Variants in SMAP2 observed in about 807,000 individuals in gnomAD.
SMAP2 encodes stromal membrane-associated protein 2.
A neutral mutation model predicts 56.4 loss-of-function variants in SMAP2; 25 were observed. The observed-to-expected ratio is 0.44, with a 90% CI of 0.32 to 0.62. The LOEUF is 0.62. Among genes scored for constraint, SMAP2 ranks in the 20% least tolerant of loss-of-function variants. The probability of loss-of-function intolerance (pLI) is 0.04; values close to 1 mark genes in which losing one functional copy is unlikely to be tolerated. For synonymous variants in SMAP2, 157 were observed against 181.7 expected (o/e 0.86, Z 1.09); for missense variants, 388 against 545.6 (o/e 0.71, Z 2.88).
intron 1 of SMAP2, among the ~76,000 whole-genome samples, chr1:40,357,605 T>C (rs1369494987): frequency 6.6e-6 from 1 of 152,204 alleles, no homozygotes; most frequent in African/African-American, 2.4e-5. Flanking sequence ...TTGATTTTCG[T>C]ATATGGTGAG....
At chr1:40,377,007 T>TG (rs1300180503) in intron 1 of SMAP2, among the ~76,000 whole-genome samples, 1 of 152,190 alleles carries the variant, frequency 6.6e-6, no homozygotes, top group Admixed American at 6.5e-5. Context: ...GAATAGAGGC[T>TG]GGGTGTGGTG....
rs549571516 is a variant in SMAP2 at position 40,406,618 on chromosome 1, G to A, written c.104-118G>A. On this transcript the variant is annotated intron_variant, in intron 1 of 9. Coordinates refer to ENST00000372718, the MANE Select transcript of SMAP2 (RefSeq NM_022733.3). ...AATGAGCAGAGTCAATAAACAGGTG[G>A]TTATGGTAAAAATTATTTCACTTAT... 3 of 1,131,360 alleles carry A rather than the reference G, an allele frequency of 2.7e-6. No individual in the cohort carries two copies. In the African/African-American group the frequency reaches 4.6e-5, roughly 17 times the overall value. The allele number at this position is 1,131,360 out of a possible 1,614,324, so 70.1% of individuals were successfully genotyped here. A position where few individuals can be genotyped will look rare whatever the true frequency, so the allele number is the denominator to read the frequency against.
intron 2 of SMAP2, among the ~76,000 whole-genome samples, chr1:40,363,122 G>A (rs1644466311): frequency 1.3e-5 from 2 of 152,116 alleles, no homozygotes; most frequent in African/African-American, 4.8e-5. Flanking sequence ...TGAATACAAA[G>A]CACAACTGTC....
At chr1:40,358,471 G>A (rs958090604) in intron 1 of SMAP2, among the ~76,000 whole-genome samples, 1 of 152,128 alleles carries the variant, frequency 6.6e-6, no homozygotes, top group African/African-American at 2.4e-5. Context: ...TTGAACCCAG[G>A]GGGCGGAGGT....
In SMAP2 at chr1:40,399,450, G is replaced by T. The variant is rs6677698; in HGVS notation, c.104-7286G>T. Reference sequence around the variant, plus strand: ...GTTGGGATTACAGGCGTGAGCCACCGTGCCTGGCCCATTTCTTTTTTTTTT... The same window carrying T: ...GTTGGGATTACAGGCGTGAGCCACCTTGCCTGGCCCATTTCTTTTTTTTTT... On this transcript the variant is annotated intron_variant, in intron 1 of 9. Coordinates refer to ENST00000372718, the MANE Select transcript of SMAP2 (RefSeq NM_022733.3). 7.7e-3 allele frequency among the ~76,000 whole-genome samples: 1,150 copies of T among 149,804 alleles called. 14 individuals carry two copies. Among genetic ancestry groups the T allele is most frequent in the African/African-American group, 0.025 (1,037 of 40,868 alleles).
At position 40,418,799 on chromosome 1, in the gene SMAP2, C is replaced by T. The variant is rs892221663; in HGVS notation, c.1164+1703C>T. On this transcript the variant is annotated intron_variant, in intron 9 of 9. Coordinates refer to ENST00000372718, the MANE Select transcript of SMAP2 (RefSeq NM_022733.3). ...TATGCAAGACACAACAAGTATTTTA[C>T]AACCAAGCCAGCCAAGCTATCCTTC... Among the ~76,000 whole-genome samples, 15 of 152,278 alleles carry T rather than the reference C, an allele frequency of 9.9e-5. 1 individual carries two copies. The highest frequency in any genetic ancestry group is 5.8e-4 in the East Asian group (3 of 5,190).
upstream of SMAP2, among the ~76,000 whole-genome samples, chr1:40,372,864 A>G (rs996085203): frequency 6.6e-6 from 1 of 152,198 alleles, no homozygotes; most frequent in African/African-American, 2.4e-5. Context: ...ATTTCTCAGT[A>G]ACATCGTGCT....
chr1:40,406,895 T>A (rs1458995946), intron 2 of SMAP2, 26 bp downstream of exon 2: 1 of 1,597,276 alleles, frequency 6.3e-7, no homozygotes, highest in Non-Finnish European at 8.6e-7. Flanking sequence ...GTGAGTCAGC[T>A]GCTTCCATAT....
chr1:40,377,167 TCC>T (rs1461715463), intron 1 of SMAP2, among the ~76,000 whole-genome samples: 1 of 152,088 alleles, frequency 6.6e-6, no homozygotes, highest in Non-Finnish European at 1.5e-5. Flanking sequence ...GCATCTGTGG[TCC>T]CAGCTACTCA....
chr1:40,416,993 T>C lies in SMAP2; in HGVS notation c.1061T>C (p.Met354Thr). 1 of 1,614,198 alleles carries C rather than the reference T, an allele frequency of 6.2e-7. No individual in the cohort carries two copies. Among genetic ancestry groups the C allele is most frequent in the Non-Finnish European group, 8.5e-7 (1 of 1,180,014 alleles). The change falls in exon 9 of 10, where the codon ATG (methionine) becomes ACG (threonine). Residue 354 changes from methionine to threonine, a missense_variant. Met to Thr is a moderately conservative substitution (Grantham distance 81). Transcript: ENST00000372718. ...QASMMGVPNG[M>T]MTTQQAGYMA... ...TCAATGATGGGTGTGCCGAATGGAA[T>C]GATGACCACCCAGCAGGCTGGCTAC...
At chr1:40,371,419 A>G (rs1219524282), upstream of SMAP2, among the ~76,000 whole-genome samples, 4 of 152,238 alleles carry the variant, frequency 2.6e-5, no homozygotes, top group African/African-American at 9.6e-5. Context: ...CTGCTAGGAT[A>G]GGCTAGCTTA....
chr1:40,398,909 A>C lies in SMAP2; in HGVS notation c.104-7827A>C, dbSNP rs551608932. On this transcript the variant is annotated intron_variant, in intron 1 of 9. Coordinates refer to ENST00000372718, the MANE Select transcript of SMAP2 (RefSeq NM_022733.3). ...TAGTGAATGTTACAGGTCTGGTGAC[A>C]GCTCTTGTGGCACACATAGTTAAGC... 1.5e-4 allele frequency among the ~76,000 whole-genome samples: 23 copies of C among 152,380 alleles called. No individual in the cohort carries two copies. The South Asian group carries it at 4.1e-3, about 27-fold the overall frequency.
At chr1:40,396,704 A>G in intron 1 of SMAP2, 1 of 339,574 alleles carries the variant, frequency 2.9e-6, no homozygotes, top group Non-Finnish European at 4.2e-6. Context: ...CAGAAGTTCA[A>G]AGTTACTGTT....
At chr1:40,409,640 T>TG in intron 3 of SMAP2, 117 bp from the exon 4 acceptor site, 5 of 688,660 alleles carry the variant, frequency 7.3e-6, no homozygotes, top group Non-Finnish European at 1.3e-5. Context: ...AGGAGCCATG[T>TG]GGGGAAACCA....
At chr1:40,355,161 T>C (rs190468756) in intron 1 of SMAP2, among the ~76,000 whole-genome samples, 1 of 152,122 alleles carries the variant, frequency 6.6e-6, no homozygotes, top group East Asian at 1.9e-4. Context: ...GTTTTTGCCA[T>C]TAAAATTAAT....
chr1:40,389,176 G>A (rs1262817192), intron 1 of SMAP2, among the ~76,000 whole-genome samples: 1 of 152,190 alleles, frequency 6.6e-6, no homozygotes, highest in Non-Finnish European at 1.5e-5. Context: ...CCTGATGTGC[G>A]GAAATACCCT....
At chr1:40,346,271 A>G (rs750796246) in intron 1 of SMAP2, among the ~76,000 whole-genome samples, 5 of 152,094 alleles carry the variant, frequency 3.3e-5, no homozygotes, top group African/African-American at 4.8e-5. Context: ...TTACAAAAAT[A>G]TGAATAATAC....
intron 1 of SMAP2, among the ~76,000 whole-genome samples, chr1:40,388,046 G>A (rs572920799): frequency 5.3e-5 from 8 of 152,182 alleles, no homozygotes; most frequent in African/African-American, 4.8e-5. Context: ...CCGGCCCACC[G>A]GCGCTGCGCT....
intron 1 of SMAP2, among the ~76,000 whole-genome samples, chr1:40,402,480 C>G (rs984526514): frequency 6.6e-6 from 1 of 151,678 alleles, no homozygotes; most frequent in Non-Finnish European, 1.5e-5. Context: ...GAGACAAGGT[C>G]TCGCTGTCAT....
Sources: allele counts gnomAD v4.1 joint callset (sites outside exome capture counted in the v4.1 genomes callset), GRCh38; gene constraint gnomAD v4.1.1; transcripts MANE v1.5; gene names NCBI Gene and HGNC (gene_info 2026-07-23, HGNC 2026-07-21).